ITFG1: variants seen among roughly 807,000 people sequenced by gnomAD.
The protein encoded by ITFG1 is T-cell immunomodulatory protein.
ITFG1 carries 34 observed loss-of-function variants against 81.8 expected under a neutral mutation model. The ratio of observed to expected loss-of-function variants is 0.42; its 90% confidence interval spans 0.32 to 0.55. ITFG1 has a LOEUF of 0.55. ITFG1 is among the 20% of genes least tolerant of loss of function. The pLI, the probability that ITFG1 is intolerant of heterozygous loss-of-function variation, is 0.17. For missense variants in ITFG1, 672 were observed against 755.4 expected (o/e 0.89, Z 1.29); for synonymous variants, 285 against 270.6 (o/e 1.05, Z -0.52).
chr16:47,439,657 G>A (rs1969218463), intron 5 of ITFG1, among the ~76,000 whole-genome samples: 1 of 152,114 alleles, frequency 6.6e-6, no homozygotes, highest in South Asian at 2.1e-4. Flanking sequence ...TCACCACCAG[G>A]CCTGCCCTAA....
chr16:47,392,476 T>C lies in ITFG1; in HGVS notation c.656-16536A>G, dbSNP rs777267170. Among the ~76,000 whole-genome samples the C allele has an allele frequency of 5.9e-5, 9 of 152,250 alleles. No homozygotes were observed. The South Asian group carries it at 1.9e-3, about 32-fold the overall frequency. On this transcript the variant is annotated intron_variant, in intron 6 of 17. Coordinates refer to ENST00000320640, the MANE Select transcript of ITFG1 (RefSeq NM_030790.5). ...AGAGGAGGAGATCAGGTCTGAAATG[T>C]GAGGCATCAGGCTGTGCAGAACCCT...
At chr16:47,370,862 G>A (rs1275616850) in intron 7 of ITFG1, among the ~76,000 whole-genome samples, 2 of 152,194 alleles carry the variant, frequency 1.3e-5, no homozygotes, top group Non-Finnish European at 2.9e-5. Flanking sequence ...TCTCTAGCTG[G>A]CGAAGTGGCA....
At chr16:47,343,678 C>T (rs1967814197) in intron 8 of ITFG1, among the ~76,000 whole-genome samples, 2 of 152,030 alleles carry the variant, frequency 1.3e-5, no homozygotes, top group African/African-American at 2.4e-5. Flanking sequence ...ACTAGGAAGG[C>T]TCTAATAATT....
At chr16:47,216,434 C>T (rs1312425562) in intron 14 of ITFG1, among the ~76,000 whole-genome samples, 1 of 152,152 alleles carries the variant, frequency 6.6e-6, no homozygotes, top group Non-Finnish European at 1.5e-5. Context: ...CTCCTGACCT[C>T]AGGTGATCCG....
chr16:47,361,547 T>C (rs1968109428), intron 8 of ITFG1, among the ~76,000 whole-genome samples: 1 of 152,144 alleles, frequency 6.6e-6, no homozygotes, highest in Admixed American at 6.5e-5. Flanking sequence ...AAACATGTCT[T>C]CTAGAAGATA....
chr16:47,218,848 G>A lies in ITFG1; in HGVS notation c.1453+20C>T. ...ACTGAAGAAGCTTTTATACATTATG[G>A]ACAATGTATCTGGTCTTACCTGATC... On this transcript the variant is annotated intron_variant, in intron 14 of 17. Transcript: ENST00000320640. 6.9e-7 allele frequency: 1 copy of A among 1,454,118 alleles called. No homozygotes were observed. Among genetic ancestry groups the A allele is most frequent in the Non-Finnish European group, 9.4e-7 (1 of 1,061,710 alleles). The allele number at this position is 1,454,118 out of a possible 1,614,324, so 90.1% of individuals were successfully genotyped here. A position where few individuals can be genotyped will look rare whatever the true frequency, so the allele number is the denominator to read the frequency against.
intron 8 of ITFG1, among the ~76,000 whole-genome samples, chr16:47,334,036 T>C (rs1047756532): frequency 3.9e-5 from 6 of 152,340 alleles, no homozygotes; most frequent in Middle Eastern, 3.4e-3. Context: ...TGTGAAATAA[T>C]AGTGTTAGTA....
At chr16:47,336,970 G>GAA (rs1445973725) in intron 8 of ITFG1, among the ~76,000 whole-genome samples, 4 of 99,734 alleles carry the variant, frequency 4.0e-5, no homozygotes, top group African/African-American at 7.3e-5. Flanking sequence ...CTCAAAAAAA[G>GAA]AAAAAAAAAA....
intron 6 of ITFG1, among the ~76,000 whole-genome samples, chr16:47,422,655 G>A (rs1968966211): frequency 6.6e-6 from 1 of 152,144 alleles, no homozygotes; most frequent in African/African-American, 2.4e-5. Context: ...ATTAATTATT[G>A]CCTCAATTTC....
intron 12 of ITFG1, among the ~76,000 whole-genome samples, chr16:47,249,255 C>T (rs1006899456): frequency 6.6e-6 from 1 of 152,032 alleles, no homozygotes; most frequent in African/African-American, 2.4e-5. Context: ...CCCATCTCTA[C>T]TAAAAATACA....
intron 10 of ITFG1, among the ~76,000 whole-genome samples, chr16:47,264,591 C>G (rs868158182): frequency 5.8e-4 from 81 of 140,584 alleles, no homozygotes; most frequent in East Asian, 1.1e-3. Flanking sequence ...CACACACACA[C>G]AGAGATAGAG....
intron 17 of ITFG1, among the ~76,000 whole-genome samples, chr16:47,158,439 T>C (rs1006987114): frequency 2.6e-5 from 4 of 152,120 alleles, no homozygotes; most frequent in African/African-American, 9.7e-5. Flanking sequence ...CTCAAGAAAA[T>C]AATTTAACCT....
intron 13 of ITFG1, among the ~76,000 whole-genome samples, chr16:47,227,054 T>TA (rs1447876634): frequency 4.6e-5 from 7 of 152,202 alleles, no homozygotes; most frequent in Non-Finnish European, 1.0e-4. Flanking sequence ...ACACCATCTG[T>TA]ATAATGAACA....
intron 13 of ITFG1, among the ~76,000 whole-genome samples, chr16:47,234,075 T>C (rs778641471): frequency 6.6e-6 from 1 of 152,086 alleles, no homozygotes; most frequent in Non-Finnish European, 1.5e-5. Flanking sequence ...TAATACATCA[T>C]ATCCAGCTTT....
chr16:47,385,241 T>A (rs945969607), intron 6 of ITFG1, among the ~76,000 whole-genome samples: 1 of 152,160 alleles, frequency 6.6e-6, no homozygotes, highest in Non-Finnish European at 1.5e-5. Flanking sequence ...CAGGTTAAAG[T>A]AATTTATTAA....
chr16:47,291,698 G>T lies in ITFG1; in HGVS notation c.1070+19542C>A, dbSNP rs553943139. Among the ~76,000 whole-genome samples, 4 of 152,024 alleles carry T rather than the reference G, an allele frequency of 2.6e-5. No individual in the cohort carries two copies. In the South Asian group the frequency reaches 8.3e-4, roughly 31 times the overall value. The stretch of plus-strand genomic sequence containing the variant: ...GAAATGACAGATCTACATATTTAAA[G>T]GTTCTTTCTTAAGTCTGATGAAGTC... On this transcript the variant is annotated intron_variant, in intron 10 of 17. Transcript: ENST00000320640.
chr16:47,429,851 C>T (rs918137952), intron 5 of ITFG1, among the ~76,000 whole-genome samples: 14 of 152,036 alleles, frequency 9.2e-5, no homozygotes, highest in African/African-American at 2.2e-4. Context: ...TTTAGATACA[C>T]GGGTCTTACC....
chr16:47,265,624 G>A (rs998112610), intron 10 of ITFG1, among the ~76,000 whole-genome samples: 1 of 152,038 alleles, frequency 6.6e-6, no homozygotes, highest in Non-Finnish European at 1.5e-5. Flanking sequence ...AAACACTACA[G>A]TATTCACTAA....
chr16:47,388,882 T>C (rs1249744071), intron 6 of ITFG1, among the ~76,000 whole-genome samples: 1 of 152,168 alleles, frequency 6.6e-6, no homozygotes, highest in East Asian at 1.9e-4. Context: ...TCAAAGTTTA[T>C]TACAGGCCCA....
Sources: gnomAD v4.1 joint callset for allele counts (sites outside exome capture counted in the v4.1 genomes callset) on GRCh38, gnomAD v4.1.1 for gene constraint, MANE v1.5 for transcripts, NCBI Gene and HGNC (gene_info 2026-07-23, HGNC 2026-07-21) for gene names.